PLSCR4: variants seen among roughly 807,000 people sequenced by gnomAD.
PLSCR4 encodes the protein Ca(2+)-dependent phospholipid scramblase 4.
In PLSCR4, 25 loss-of-function variants were observed where a neutral mutation model predicts 36.3. The observed-to-expected ratio is 0.69, with a 90% CI of 0.50 to 0.96. The LOEUF (loss-of-function observed/expected upper bound fraction) is 0.96, where lower values mean the gene tolerates loss of function less well. Ranked by LOEUF, PLSCR4 falls within the 40% of genes least tolerant of loss-of-function variation. The pLI, the probability that PLSCR4 is intolerant of heterozygous loss-of-function variation, is 0.00. For synonymous variants in PLSCR4, 122 were observed against 132.9 expected, an observed-to-expected ratio of 0.92 and a Z score of 0.56; for missense variants, 408 against 414.7, an observed-to-expected ratio of 0.98 and a Z score of 0.14.
chr3:146,208,852 GAGATTCCTT>G (rs1055411122), intron 3 of PLSCR4, among the ~76,000 whole-genome samples: 2 of 152,074 alleles, frequency 1.3e-5, no homozygotes, highest in Non-Finnish European at 2.9e-5. Context: ...AAACAGTGTG[GAGATTCCTT>G]AAAGAACTAA....
rs747366030 is a variant in PLSCR4, at chr3:146,199,939, A to G, written c.498T>C (p.Asn166=). 1.9e-6 allele frequency: 3 copies of G among 1,613,544 alleles called. No homozygotes were observed. The highest frequency in any genetic ancestry group is 1.1e-5 in the South Asian group (1 of 91,070). Reference sequence around the variant, plus strand: ...CGAAGGGCCTTAGTGTCCGATAGGCATTCCTGGTAAAGTCATCTGTGTCTT... The same window carrying G: ...CGAAGGGCCTTAGTGTCCGATAGGCGTTCCTGGTAAAGTCATCTGTGTCTT... The part of the protein sequence containing the change: ...VTEDTDDFTR[N]AYRTLRPFVL... The change falls in exon 6 of 9, where the codon AAT becomes AAC. Residue 166 remains asparagine, a synonymous_variant. Transcript: ENST00000354952.
intron 3 of PLSCR4, among the ~76,000 whole-genome samples, chr3:146,218,541 A>G (rs1512893): frequency 0.76 from 115,454 of 151,588 alleles, 44,095 homozygotes; most frequent in South Asian, 0.81. Context: ...GTAATTGAAC[A>G]ATTTTTGTTA....
At chr3:146,212,179 C>T (rs913670443) in intron 3 of PLSCR4, among the ~76,000 whole-genome samples, 10 of 151,968 alleles carry the variant, frequency 6.6e-5, no homozygotes, top group East Asian at 1.9e-4. Flanking sequence ...TTTCCACTTA[C>T]GTAGTCTTCT....
rs187198649 is a variant in PLSCR4 at position 146,249,746 on chromosome 3, A to T, written c.-22+1214T>A. On this transcript the variant is annotated intron_variant, in intron 1 of 8. Transcript: ENST00000354952. Reference sequence around the variant, plus strand: ...TACAGTTAAAAACAGTAACAAAAATATTCAGTTAGGATTCTACTTATACGT... The same window carrying T: ...TACAGTTAAAAACAGTAACAAAAATTTTCAGTTAGGATTCTACTTATACGT... Among the ~76,000 whole-genome samples the T allele has an allele frequency of 4.6e-4, 70 of 152,124 alleles. 2 individuals are homozygous for T. Among genetic ancestry groups the T allele is most frequent in the Middle Eastern group, 3.4e-3 (1 of 292 alleles).
At chr3:146,245,500 T>C (rs2036301685) in intron 1 of PLSCR4, among the ~76,000 whole-genome samples, 1 of 152,106 alleles carries the variant, frequency 6.6e-6, no homozygotes, top group African/African-American at 2.4e-5. Context: ...AAAATAGTAG[T>C]GATTGTAAAC....
intron 7 of PLSCR4, among the ~76,000 whole-genome samples, chr3:146,195,826 C>G (rs1236955787): frequency 6.6e-6 from 1 of 152,218 alleles, no homozygotes; most frequent in African/African-American, 2.4e-5. Flanking sequence ...TGATCACACA[C>G]ACCCTGCCCT....
At chr3:146,228,390 C>T (rs1424514227) in intron 1 of PLSCR4, among the ~76,000 whole-genome samples, 1 of 152,062 alleles carries the variant, frequency 6.6e-6, no homozygotes, top group East Asian at 1.9e-4. Context: ...ACCACTAATT[C>T]CCATCTTCTA....
At chr3:146,203,139 A>G (rs968587478) in intron 4 of PLSCR4, among the ~76,000 whole-genome samples, 1 of 151,998 alleles carries the variant, frequency 6.6e-6, no homozygotes, top group Non-Finnish European at 1.5e-5. Flanking sequence ...ATGGTTTTCA[A>G]TTTATTTTGC....
At chr3:146,230,350 A>C (rs778149136) in intron 1 of PLSCR4, among the ~76,000 whole-genome samples, 21 of 152,188 alleles carry the variant, frequency 1.4e-4, no homozygotes, top group Non-Finnish European at 2.6e-4. Context: ...TCTCAAAATA[A>C]CTATTCTTAA....
chr3:146,216,096 G>A (rs2034880784), intron 3 of PLSCR4, among the ~76,000 whole-genome samples: 1 of 152,092 alleles, frequency 6.6e-6, no homozygotes, highest in African/African-American at 2.4e-5. Context: ...CGGGCGTGGT[G>A]GTGCATGCCT....
At chr3:146,216,229 T>C (rs1365891586) in intron 3 of PLSCR4, among the ~76,000 whole-genome samples, 1 of 151,708 alleles carries the variant, frequency 6.6e-6, no homozygotes, top group African/African-American at 2.4e-5. Context: ...GCATTCTGTC[T>C]CAAAAACAAA....
In PLSCR4 at chr3:146,213,395, G is replaced by C. The variant is rs539474434; in HGVS notation, c.119-6634C>G. On this transcript the variant is annotated intron_variant, in intron 3 of 8. Transcript: ENST00000354952. Reference sequence around the variant, plus strand: ...CACCCAGGCTGGAGTACAGTGGTGTGATCTTTGCTTACTGCAACTTCTGCA... The same window carrying C: ...CACCCAGGCTGGAGTACAGTGGTGTCATCTTTGCTTACTGCAACTTCTGCA... 3.6e-5 allele frequency among the ~76,000 whole-genome samples: 5 copies of C among 139,542 alleles called. No individual in the cohort carries two copies. The South Asian group carries it at 7.1e-4, about 20-fold the overall frequency. 91.5% of individuals were successfully genotyped at this position (139,542 alleles called of 152,430 possible).
rs555072461 is a variant in PLSCR4 at position 146,217,300 on chromosome 3, T to C, written c.118+3515A>G. Among the ~76,000 whole-genome samples the C allele has an allele frequency of 3.3e-5, 5 of 152,266 alleles. No individual in the cohort carries two copies. In the South Asian group the frequency reaches 8.3e-4, roughly 25 times the overall value. ...TACTACGATATAGATGCTAACACAC[T>C]AGACCTAGCCAGCATCTCCATGATG... On this transcript the variant is annotated intron_variant, in intron 3 of 8. Transcript: ENST00000354952.
intron 1 of PLSCR4, among the ~76,000 whole-genome samples, chr3:146,240,891 T>A (rs1260397347): frequency 6.6e-6 from 1 of 152,186 alleles, no homozygotes; most frequent in Non-Finnish European, 1.5e-5. Context: ...CAAAAACATG[T>A]TCATAATAGC....
chr3:146,192,400 A>T lies in PLSCR4; in HGVS notation c.*2011T>A, dbSNP rs1449034891. ...AGAATACGAAAAAGCATGAACGCAC[A>T]AATTCCAGAGAATTTGTTTTTTAAT... On this transcript the variant is annotated 3_prime_UTR_variant, in exon 9 of 9. Transcript: ENST00000354952. 6.6e-6 allele frequency: 1 copy of T among 150,984 alleles called. No homozygotes were observed. Among genetic ancestry groups the T allele is most frequent in the Non-Finnish European group, 1.5e-5 (1 of 67,760 alleles). 9.4% of individuals were successfully genotyped at this position (150,984 alleles called of 1,614,324 possible). A position where few individuals can be genotyped will look rare whatever the true frequency, so the allele number is the denominator to read the frequency against.
Position 146,206,508 on chromosome 3 carries a change from T to A in PLSCR4, c.354+18A>T, listed in dbSNP as rs2034335978. The A allele has an allele frequency of 3.3e-6, 5 of 1,533,826 alleles. No individual in the cohort carries two copies. Among genetic ancestry groups the A allele is most frequent in the Non-Finnish European group, 3.6e-6 (4 of 1,107,226 alleles). On this transcript the variant is annotated intron_variant, in intron 4 of 8. Transcript: ENST00000354952. ...GGTCACATTTCATAAGAAAATAATT[T>A]GTATTTTCATGGAGTACCTGAACTA...
chr3:146,243,212 C>T (rs1195263168), intron 1 of PLSCR4, among the ~76,000 whole-genome samples: 1 of 152,052 alleles, frequency 6.6e-6, no homozygotes, highest in Non-Finnish European at 1.5e-5. Context: ...CTCCTGCTAA[C>T]AATATGCTCT....
chr3:146,197,401 T>TG (rs2033806920), intron 6 of PLSCR4, among the ~76,000 whole-genome samples: 1 of 152,160 alleles, frequency 6.6e-6, no homozygotes, highest in Non-Finnish European at 1.5e-5. Context: ...AACGGTCCTC[T>TG]GTCTCCTTCC....
intron 4 of PLSCR4, among the ~76,000 whole-genome samples, chr3:146,202,028 C>A (rs2034074333): frequency 6.6e-6 from 1 of 151,790 alleles, no homozygotes; most frequent in African/African-American, 2.4e-5. Flanking sequence ...TGCAGTAATA[C>A]ATGAAATTAA....
Sources: allele counts gnomAD v4.1 joint callset (sites outside exome capture counted in the v4.1 genomes callset), GRCh38; gene constraint gnomAD v4.1.1; transcripts MANE v1.5; gene names NCBI Gene and HGNC (gene_info 2026-07-23, HGNC 2026-07-21).